The following GRIK2 variants were observed in gnomAD, a reference collection of about 807,000 sequenced individuals.
GRIK2 encodes glutamate receptor ionotropic, kainate 2.
GRIK2 carries 32 observed loss-of-function variants against 100.3 expected under a neutral mutation model. The ratio of observed to expected loss-of-function variants is 0.32; its 90% CI spans 0.24 to 0.43. The LOEUF (loss-of-function observed/expected upper bound fraction) is 0.43. GRIK2 is among the 20% of genes least tolerant of loss of function. The pLI is 1.00. For synonymous variants in GRIK2, 417 were observed against 389.4 expected, an observed-to-expected ratio of 1.07 and a Z score of -0.83; for missense variants, 843 against 1,114.9, an observed-to-expected ratio of 0.76 and a Z score of 3.47.
intron 2 of GRIK2, among the ~76,000 whole-genome samples, chr6:101,444,842 CT>C (rs1770278756): frequency 6.6e-6 from 1 of 152,062 alleles, no homozygotes. Context: ...CAGCATATAC[CT>C]CTGTTTTCTT....
chr6:101,573,822 TACAACAAAAGTG>T (rs1432155635), intron 2 of GRIK2, among the ~76,000 whole-genome samples: 1 of 152,132 alleles, frequency 6.6e-6, no homozygotes, highest in Non-Finnish European at 1.5e-5. Flanking sequence ...CCTAATTCTC[TACAACAAAAGTG>T]ACAACAAAAG....
rs565277463 is a variant in GRIK2 at position 101,763,624 on chromosome 6, AC to A, written c.952-36023del. Reference sequence around the variant, plus strand: ...CAGGGGAAATTCTTCTTCTTTGTTCACTCAAGGTTTAAGAAATTTGGCCAGA... The same window carrying A: ...CAGGGGAAATTCTTCTTCTTTGTTCATCAAGGTTTAAGAAATTTGGCCAGA... On this transcript the variant is annotated intron_variant, in intron 7 of 16. Coordinates refer to ENST00000369134, the MANE Select transcript of GRIK2 (RefSeq NM_021956.5). Among the ~76,000 whole-genome samples the A allele has an allele frequency of 9.2e-5, 14 of 152,258 alleles. No homozygotes were observed. In the South Asian group the frequency reaches 2.9e-3, roughly 32 times the overall value.
At chr6:101,612,790 G>A (rs1241770799) in intron 2 of GRIK2, among the ~76,000 whole-genome samples, 1 of 150,850 alleles carries the variant, frequency 6.6e-6, no homozygotes, top group African/African-American at 2.4e-5. Flanking sequence ...TGGGCTCCTG[G>A]GCAGATGAGC....
rs1309745149 is a variant in GRIK2 at position 101,620,220 on chromosome 6, G to T, written c.116-1729G>T. On this transcript the variant is annotated intron_variant, in intron 2 of 16. Coordinates refer to ENST00000369134, the MANE Select transcript of GRIK2 (RefSeq NM_021956.5). ...GTTATATATAAGGGTAGAGAGTAAAGAAGAATACCACTGTTCTTCTCCACA... is the reference window on the plus strand; with the variant it reads ...GTTATATATAAGGGTAGAGAGTAAATAAGAATACCACTGTTCTTCTCCACA... 3.3e-6 allele frequency: 3 copies of T among 908,120 alleles called. No individual in the cohort carries two copies. In the African/African-American group the frequency reaches 5.4e-5, roughly 16 times the overall value. 56.3% of individuals were successfully genotyped at this position (908,120 alleles called of 1,614,324 possible). A position where few individuals can be genotyped will look rare whatever the true frequency, so the allele number is the denominator to read the frequency against.
intron 2 of GRIK2, among the ~76,000 whole-genome samples, chr6:101,516,826 G>T (rs1774609464): frequency 6.6e-6 from 1 of 152,032 alleles, no homozygotes; most frequent in African/African-American, 2.4e-5. Flanking sequence ...TAACAAGTTG[G>T]CCTTGTCAAC....
At chr6:101,624,414 T>G (rs897309711) in intron 3 of GRIK2, among the ~76,000 whole-genome samples, 1 of 152,152 alleles carries the variant, frequency 6.6e-6, no homozygotes, top group African/African-American at 2.4e-5. Context: ...AAAGTAAGAA[T>G]CCATGTATTT....
At chr6:101,706,496 G>A (rs1299612979) in intron 7 of GRIK2, among the ~76,000 whole-genome samples, 1 of 151,646 alleles carries the variant, frequency 6.6e-6, no homozygotes, top group East Asian at 1.9e-4. Context: ...ATCAAATATT[G>A]TATCTGTTTT....
intron 7 of GRIK2, among the ~76,000 whole-genome samples, chr6:101,794,565 C>G (rs1050431528): frequency 6.6e-6 from 1 of 151,860 alleles, no homozygotes; most frequent in Admixed American, 6.6e-5. Flanking sequence ...TGTAGTGGTT[C>G]CAGAATTTGT....
chr6:101,637,639 T>C (rs1781087299), intron 4 of GRIK2, among the ~76,000 whole-genome samples: 2 of 152,160 alleles, frequency 1.3e-5, no homozygotes, highest in African/African-American at 4.8e-5. Context: ...TTTGAAATGA[T>C]AGTCTCATGA....
At position 101,823,738 on chromosome 6, in the gene GRIK2, C is replaced by A. The variant is rs147199953; in HGVS notation, c.1317+5255C>A. On this transcript the variant is annotated intron_variant, in intron 10 of 16. Coordinates refer to ENST00000369134, the MANE Select transcript of GRIK2 (RefSeq NM_021956.5). ...CTAAACCTTCAGTTTGTAACCTGGT[C>A]TTGTTGCTGCTGCTGTTAGCTATGG... 9.8e-3 allele frequency among the ~76,000 whole-genome samples: 1,486 copies of A among 151,814 alleles called. 10 individuals are homozygous for A. Among genetic ancestry groups the A allele is most frequent in the Middle Eastern group, 0.017 (5 of 290 alleles).
At chr6:101,420,798 T>A (rs1582409870) in intron 2 of GRIK2, among the ~76,000 whole-genome samples, 1 of 152,252 alleles carries the variant, frequency 6.6e-6, no homozygotes, top group East Asian at 1.9e-4. Context: ...TGTGCAAATA[T>A]GAAGGTTTTT....
At chr6:101,768,773 A>G (rs920707058) in intron 7 of GRIK2, among the ~76,000 whole-genome samples, 2 of 152,154 alleles carry the variant, frequency 1.3e-5, no homozygotes, top group African/African-American at 2.4e-5. Flanking sequence ...AGGTGTGCCC[A>G]TTACTCAGTG....
intron 7 of GRIK2, among the ~76,000 whole-genome samples, chr6:101,744,184 C>T (rs542988111): frequency 3.9e-5 from 6 of 151,930 alleles, no homozygotes; most frequent in South Asian, 2.1e-4. Flanking sequence ...CCTCATGATC[C>T]GCCCGCCTCG....
intron 12 of GRIK2, among the ~76,000 whole-genome samples, chr6:101,895,225 T>G (rs1787364217): frequency 6.6e-6 from 1 of 151,776 alleles, no homozygotes; most frequent in South Asian, 2.1e-4. Flanking sequence ...CATAACATTT[T>G]TCTAAGTTAA....
At chr6:101,858,553 AT>A (rs145049489) in intron 10 of GRIK2, among the ~76,000 whole-genome samples, 2 of 150,322 alleles carry the variant, frequency 1.3e-5, no homozygotes, top group Non-Finnish European at 3.0e-5. Flanking sequence ...CGCCCAGCTA[AT>A]TTTTTTTGTA....
intron 14 of GRIK2, among the ~76,000 whole-genome samples, chr6:101,939,103 C>T (rs1307256495): frequency 1.3e-5 from 2 of 151,936 alleles, no homozygotes; most frequent in South Asian, 2.1e-4. Context: ...ATTACAAAAA[C>T]AATTTAATAA....
intron 14 of GRIK2, among the ~76,000 whole-genome samples, chr6:102,018,708 T>C (rs1483352945): frequency 6.6e-6 from 1 of 152,070 alleles, no homozygotes; most frequent in East Asian, 1.9e-4. Context: ...ACATCTCTTC[T>C]CTAAAAAATC....
rs1426005178 is a variant in GRIK2 at position 101,753,668 on chromosome 6, AAAAG to A, written c.952-45976_952-45973del. On this transcript the variant is annotated intron_variant, in intron 7 of 16. Transcript: ENST00000369134. ...TTTATATTAATATTAATATGACAAA[AAAAG>A]AAAAAAAAGGAACAGAATATTAGTG... is the stretch of plus-strand genomic sequence containing the variant. 3.7e-4 allele frequency among the ~76,000 whole-genome samples: 57 copies of A among 152,042 alleles called. No individual in the cohort carries two copies. The Middle Eastern group carries it at 0.014, about 36-fold the overall frequency.
intron 2 of GRIK2, among the ~76,000 whole-genome samples, chr6:101,610,413 CATG>C (rs1052416754): frequency 6.6e-6 from 1 of 151,742 alleles, no homozygotes; most frequent in Non-Finnish European, 1.5e-5. Flanking sequence ...ATTTTAAACT[CATG>C]ATATCTAAAT....
Sources: gnomAD v4.1 joint callset for allele counts (sites outside exome capture counted in the v4.1 genomes callset) on GRCh38, gnomAD v4.1.1 for gene constraint, MANE v1.5 for transcripts, NCBI Gene and HGNC (gene_info 2026-07-23, HGNC 2026-07-21) for gene names.